Variants in C21orf58 observed in about 807,000 individuals in gnomAD.
C21orf58 encodes the protein uncharacterized protein C21orf58.
Under a neutral mutation model 35.8 loss-of-function variants are expected in C21orf58, and 34 were observed. That is an observed-to-expected ratio of 0.95 (90% CI 0.72 to 1.26). The LOEUF (loss-of-function observed/expected upper bound fraction) is 1.26. C21orf58 is among the 50% of genes most tolerant of loss of function. C21orf58 has a pLI of 0.00. For missense variants in C21orf58, 440 were observed against 414.3 expected (o/e 1.06, Z -0.54); for synonymous variants, 191 against 175.8 (o/e 1.09, Z -0.68).
At position 46,322,805 on chromosome 21, in the gene C21orf58, C is replaced by G; in HGVS notation, c.-67G>C. 8.9e-7 allele frequency: 1 copy of G among 1,121,168 alleles called. No individual in the cohort carries two copies. Among genetic ancestry groups the G allele is most frequent in the Non-Finnish European group, 1.2e-6 (1 of 840,260 alleles). 69.5% of individuals were successfully genotyped at this position (1,121,168 alleles called of 1,614,324 possible). ...AAGAAAAAAAATTCTGAGCGAGATT[C>G]CAGGGCTTCCTGAGGGCGCGTTTAA... is the stretch of plus-strand genomic sequence containing the variant. On this transcript the variant is annotated 5_prime_UTR_variant, in exon 1 of 8. Transcript: ENST00000291691.
In C21orf58 at chr21:46,302,149, C is replaced by T. The variant is rs528767443; in HGVS notation, c.819G>A (p.Pro273=). The change falls in exon 8 of 8, where the codon CCG becomes CCA. Residue 273 remains proline (P), a synonymous_variant. Transcript: ENST00000291691. ...LKALPPALQD[P]PHVPPRVPRA... is the part of the protein sequence containing the mutation. ...GTGGGACCCTCGGGGGCACATGTGG[C>T]GGGTCCTGCCACAGACGCACCTGCT... 65 of 1,487,142 alleles carry T rather than the reference C, an allele frequency of 4.4e-5. No individual in the cohort carries two copies. The East Asian group carries it at 1.0e-3, about 23-fold the overall frequency. 92.1% of individuals were successfully genotyped at this position (1,487,142 alleles called of 1,614,324 possible). A position where few individuals can be genotyped will look rare whatever the true frequency, so the allele number is the denominator to read the frequency against.
intron 4 of C21orf58, chr21:46,315,169 A>G: frequency 2.8e-6 from 2 of 707,608 alleles, no homozygotes; most frequent in South Asian, 2.0e-5. Flanking sequence ...CCCCTAGAAA[A>G]GCGGCCCCAC....
intron 1 of C21orf58, 69 bp from the exon 2 acceptor site, chr21:46,318,289 A>C: frequency 6.3e-7 from 1 of 1,589,290 alleles, no homozygotes; most frequent in Non-Finnish European, 8.5e-7. Context: ...CCCAGAAGCC[A>C]GCGCTGGGCG....
chr21:46,306,710 C>A (rs2082433611), intron 6 of C21orf58, among the ~76,000 whole-genome samples: 1 of 152,054 alleles, frequency 6.6e-6, no homozygotes, highest in Non-Finnish European at 1.5e-5. Context: ...ACCTCAGCCT[C>A]CCAAGTAGCT....
intron 1 of C21orf58, among the ~76,000 whole-genome samples, chr21:46,321,566 A>G (rs1293734813): frequency 2.0e-5 from 3 of 152,174 alleles, no homozygotes; most frequent in Non-Finnish European, 4.4e-5. Flanking sequence ...CTGGGCAGAT[A>G]TTTTGAAGAA....
rs1175586229 is a variant in C21orf58 at position 46,322,875 on chromosome 21, G to A, written c.-137C>T. The A allele has an allele frequency of 3.5e-6, 2 of 564,172 alleles. No homozygotes were observed. The highest frequency in any genetic ancestry group is 6.0e-6 in the Non-Finnish European group (2 of 335,550). The allele number at this position is 564,172 out of a possible 1,614,324, so 34.9% of individuals were successfully genotyped here. On this transcript the variant is annotated 5_prime_UTR_variant, in exon 1 of 8. Transcript: ENST00000291691. ...CTGCAAGGTGAGCTTGCGTCAGCGAGGAGCCACTCCAGCACGCTCGGGAAG... is the reference window on the plus strand; with the variant it reads ...CTGCAAGGTGAGCTTGCGTCAGCGAAGAGCCACTCCAGCACGCTCGGGAAG...
chr21:46,315,804 TGGAA>T (rs1294693910), intron 3 of C21orf58, among the ~76,000 whole-genome samples: 13 of 152,128 alleles, frequency 8.5e-5, no homozygotes, highest in Non-Finnish European at 1.6e-4. Context: ...ATCTCATTCC[TGGAA>T]GGGAGGCTGA....
chr21:46,316,592 AG>A (rs948464922), intron 3 of C21orf58, among the ~76,000 whole-genome samples: 2 of 152,108 alleles, frequency 1.3e-5, no homozygotes, highest in African/African-American at 4.8e-5. Flanking sequence ...CACACTGGAG[AG>A]GGGCCGTTGG....
chr21:46,318,763 G>A (rs545497962), intron 1 of C21orf58: 2 of 992,094 alleles, frequency 2.0e-6, no homozygotes, highest in South Asian at 9.1e-5. Context: ...ACCAGAGGGG[G>A]TGCCCAGGGG....
intron 6 of C21orf58, among the ~76,000 whole-genome samples, chr21:46,307,800 G>A (rs140561577): frequency 3.9e-5 from 6 of 152,220 alleles, no homozygotes; most frequent in African/African-American, 9.6e-5. Context: ...TCTGCCCCTA[G>A]ACTACCAATT....
intron 5 of C21orf58, chr21:46,313,099 G>A (rs561944919): frequency 1.6e-5 from 16 of 975,798 alleles, no homozygotes; most frequent in Non-Finnish European, 1.9e-5. Context: ...GAGCTACATC[G>A]TAAACAGCTT....
rs200456158 is a variant in C21orf58, at chr21:46,318,200, C to A, written c.121G>T (p.Ala41Ser). The change falls in exon 2 of 8, where the codon GCC becomes TCC. Residue 41 changes from alanine (A) to serine (S), a missense_variant. Transcript: ENST00000291691. Reference protein sequence around the residue: ...LLCGWSPGGKARPAGNTGAWA... With the variant: ...LLCGWSPGGKSRPAGNTGAWA... ...GCACCGGTGTTGCCTGCAGGGCGGG[C>A]CTTACCTCCTGGAGACCAGCCTGAG... The A allele has an allele frequency of 3.1e-5, 50 of 1,612,466 alleles. No homozygotes were observed. The highest frequency in any genetic ancestry group is 3.9e-5 in the Non-Finnish European group (46 of 1,180,004).
At chr21:46,317,109 C>A in intron 3 of C21orf58, 99 bp downstream of exon 3, 1 of 1,003,602 alleles carries the variant, frequency 1.0e-6, no homozygotes, top group Non-Finnish European at 1.5e-6. Flanking sequence ...GGGTGATTCC[C>A]AGAGTTGCTG....
In C21orf58 at chr21:46,301,585, A is replaced by G. The variant is rs2082110227; in HGVS notation, c.*414T>C. On this transcript the variant is annotated 3_prime_UTR_variant, in exon 8 of 8. Coordinates refer to ENST00000291691, the MANE Select transcript of C21orf58 (RefSeq NM_058180.5). ...TTGATCTTTTCTGTTCTGGCTCCTGAGCTGAGATTTTCTTAAACTCTTTCT... is the reference window on the plus strand; with the variant it reads ...TTGATCTTTTCTGTTCTGGCTCCTGGGCTGAGATTTTCTTAAACTCTTTCT... The G allele has an allele frequency of 1.0e-6, 1 of 999,922 alleles. No individual in the cohort carries two copies. The highest frequency in any genetic ancestry group is 1.2e-6 in the Non-Finnish European group (1 of 839,918). 61.9% of individuals were successfully genotyped at this position (999,922 alleles called of 1,614,324 possible).
intron 2 of C21orf58, among the ~76,000 whole-genome samples, chr21:46,317,583 A>G (rs2083019487): frequency 6.6e-6 from 1 of 152,186 alleles, no homozygotes; most frequent in Non-Finnish European, 1.5e-5. Flanking sequence ...CTTCCCAGCC[A>G]GTGCATGCCT....
chr21:46,315,394 C>T (rs533459049), intron 4 of C21orf58, 80 bp downstream of exon 4: 51 of 909,722 alleles, frequency 5.6e-5, no homozygotes, highest in Middle Eastern at 2.1e-4. Flanking sequence ...TAATACTCCC[C>T]GACCTGGTGC....
chr21:46,311,696 CA>C, intron 5 of C21orf58, 129 bp from the exon 6 acceptor site: 1 of 468,892 alleles, frequency 2.1e-6, no homozygotes, highest in Non-Finnish European at 3.9e-6. Flanking sequence ...TCCATCCAAC[CA>C]ACCAACCAAC....
intron 6 of C21orf58, among the ~76,000 whole-genome samples, chr21:46,307,522 G>A (rs143496272): frequency 3.4e-3 from 515 of 152,170 alleles, no homozygotes; most frequent in South Asian, 0.011. Context: ...TGGAAAAATC[G>A]ACAGGTAATA....
chr21:46,300,431 CA>C (rs894633978), downstream of C21orf58: 79 of 199,722 alleles, frequency 4.0e-4, no homozygotes, highest in South Asian at 6.0e-4. Context: ...AACTCTGTCT[CA>C]AAAAAAAACA....
Sources: allele counts gnomAD v4.1 joint callset (sites outside exome capture counted in the v4.1 genomes callset), GRCh38; gene constraint gnomAD v4.1.1; transcripts MANE v1.5; gene names NCBI Gene and HGNC (gene_info 2026-07-23, HGNC 2026-07-21).